SLC11A1: variants seen among roughly 807,000 people sequenced by gnomAD.
The protein encoded by SLC11A1 is solute carrier family 11 member 1.
In SLC11A1, 59 loss-of-function variants were observed where a neutral mutation model predicts 63.2. The ratio of observed to expected loss-of-function variants is 0.93; its 90% confidence interval spans 0.76 to 1.16. SLC11A1 has a LOEUF of 1.16. Ranked by LOEUF, SLC11A1 falls within the 50% of genes most tolerant of loss-of-function variation. SLC11A1 has a pLI of 0.00. For missense variants in SLC11A1, 688 were observed against 730.7 expected (o/e 0.94, Z 0.67); for synonymous variants, 305 against 307.8 (o/e 0.99, Z 0.09).
intron 8 of SLC11A1, among the ~76,000 whole-genome samples, chr2:218,389,046 G>A (rs1051275867): frequency 4.6e-5 from 7 of 152,044 alleles, no homozygotes; most frequent in Non-Finnish European, 8.8e-5. Flanking sequence ...GGAGGTCGAG[G>A]CTGCAGTGAG....
In SLC11A1 at chr2:218,395,068, T is replaced by C; in HGVS notation, c.*33T>C. ...CCAGGGCCTGGCTGGGAGTGGCATG[T>C]ATGACGTGACTGGCCTGCTGGATGT... On this transcript the variant is annotated 3_prime_UTR_variant, in exon 15 of 15. Transcript: ENST00000233202. 1 of 1,508,370 alleles carries C rather than the reference T, an allele frequency of 6.6e-7. No homozygotes were observed. 93.4% of individuals were successfully genotyped at this position (1,508,370 alleles called of 1,614,324 possible). A position where few individuals can be genotyped will look rare whatever the true frequency, so the allele number is the denominator to read the frequency against.
At chr2:218,385,421 C>T (rs1574763350) in intron 4 of SLC11A1, 155 bp downstream of exon 4, 9 of 1,073,184 alleles carry the variant, frequency 8.4e-6, no homozygotes, top group Non-Finnish European at 1.1e-5. Flanking sequence ...GTCGGAGTCT[C>T]GCTCCGTCGC....
chr2:218,390,007 C>A lies in SLC11A1; in HGVS notation c.933C>A (p.Tyr311Ter). 6.2e-7 allele frequency: 1 copy of A among 1,612,534 alleles called. No individual in the cohort carries two copies. The highest frequency in any genetic ancestry group is 8.5e-7 in the Non-Finnish European group (1 of 1,179,148). Residue 311 changes from tyrosine to a stop codon, truncating the protein, a stop_gained, in exon 9 of 15, where the codon TAC becomes TAA. Transcript: ENST00000233202. LOFTEE classifies it high-confidence loss of function. The stretch of plus-strand genomic sequence containing the variant: ...TGGCTGTCTTTGGGCAGGCCTTCTA[C>A]CAGAAAACCAACCAGGCTGCGGTGA... ...FVMAVFGQAF[Y>*]QKTNQAAFNI...
chr2:218,383,390 T>C (rs1695909093), intron 2 of SLC11A1: 1 of 381,828 alleles, frequency 2.6e-6, no homozygotes, highest in Non-Finnish European at 4.8e-6. Context: ...CTTGAGGACA[T>C]GTTATAGCAT....
At chr2:218,391,311 G>GTGGC in intron 10 of SLC11A1, 24 bp downstream of exon 10, 1 of 646,228 alleles carries the variant, frequency 1.5e-6, no homozygotes, top group Non-Finnish European at 2.8e-6. Flanking sequence ...GGTGGGGAGG[G>GTGGC]CGTGACCCAG....
chr2:218,394,320 G>C, intron 13 of SLC11A1, 127 bp downstream of exon 13: 2 of 987,696 alleles, frequency 2.0e-6, no homozygotes, highest in Non-Finnish European at 3.1e-6. Context: ...GAGGTTAAGG[G>C]ACTTACCCAG....
At chr2:218,394,374 G>A (rs1696634117) in intron 13 of SLC11A1, 181 bp downstream of exon 13, 2 of 718,372 alleles carry the variant, frequency 2.8e-6, no homozygotes, top group Non-Finnish European at 4.6e-6. Flanking sequence ...TGGAATCCAG[G>A]GAAGAGGGCT....
intron 7 of SLC11A1, 53 bp from the exon 8 acceptor site, chr2:218,387,747 C>G: frequency 6.2e-7 from 1 of 1,611,820 alleles, no homozygotes; most frequent in African/African-American, 1.3e-5. Flanking sequence ...AAATGGTGAC[C>G]GCGGCGTGGT....
intron 9 of SLC11A1, among the ~76,000 whole-genome samples, chr2:218,390,594 C>T (rs1696371880): frequency 6.6e-6 from 1 of 152,178 alleles, no homozygotes; most frequent in Admixed American, 6.5e-5. Flanking sequence ...GCCAGGCCTC[C>T]AAGGACCTGG....
In SLC11A1 at chr2:218,384,603, T is replaced by A. The variant is rs116206376; in HGVS notation, c.273+238T>A. 1.2e-5 allele frequency: 2 copies of A among 160,924 alleles called. No homozygotes were observed. The highest frequency in any genetic ancestry group is 2.7e-5 in the Non-Finnish European group (2 of 74,684). The allele number at this position is 160,924 out of a possible 1,614,324, so 10.0% of individuals were successfully genotyped here. ...ATATGTATATTTATTTATTTATTTATTTAATTTTATTTTTTGAGACTCAGT... is the reference window on the plus strand; with the variant it reads ...ATATGTATATTTATTTATTTATTTAATTAATTTTATTTTTTGAGACTCAGT... On this transcript the variant is annotated intron_variant, in intron 3 of 14. Coordinates refer to ENST00000233202, the MANE Select transcript of SLC11A1 (RefSeq NM_000578.4). The surrounding 1 kb of genome is among the most constrained non-coding windows in gnomAD (Gnocchi z 4.0).
chr2:218,388,121 G>GTGCTGGGATTA, intron 8 of SLC11A1, 166 bp downstream of exon 8: 2 of 828,966 alleles, frequency 2.4e-6, no homozygotes, highest in Non-Finnish European at 3.7e-6. Flanking sequence ...TGTAATCCCA[G>GTGCTGGGATTA]CACTTTGGGA....
intron 11 of SLC11A1, chr2:218,392,180 C>T (rs1559123484): frequency 3.0e-6 from 1 of 337,480 alleles, no homozygotes; most frequent in Non-Finnish European, 6.1e-6. Flanking sequence ...AAGCAATTCT[C>T]CTGCCTCAGC....
In SLC11A1 at chr2:218,394,202, C is replaced by G. The variant is rs1415603351; in HGVS notation, c.1388+9C>G. The G allele has an allele frequency of 6.2e-7, 1 of 1,613,582 alleles. No homozygotes were observed. Among genetic ancestry groups the G allele is most frequent in the Non-Finnish European group, 8.5e-7 (1 of 1,179,644 alleles). On this transcript the variant is annotated intron_variant, in intron 13 of 14. Coordinates refer to ENST00000233202, the MANE Select transcript of SLC11A1 (RefSeq NM_000578.4). ...GAGTTTGCCAATGGCCTGTGAGTAC[C>G]CCCTTTCCCAAGTGCTGGATTGCAT...
intron 3 of SLC11A1, 132 bp from the exon 4 acceptor site, chr2:218,385,015 G>A (rs960884041): frequency 2.5e-5 from 30 of 1,215,394 alleles, no homozygotes; most frequent in African/African-American, 9.0e-5. Flanking sequence ...AGCTACCAGC[G>A]CCCAGCCAGG....
chr2:218,384,992 G>A lies in SLC11A1; in HGVS notation c.274-155G>A. 1 of 917,570 alleles carries A rather than the reference G, an allele frequency of 1.1e-6. No homozygotes were observed. The highest frequency in any genetic ancestry group is 2.4e-5 in the Admixed American group (1 of 41,370). 56.8% of individuals were successfully genotyped at this position (917,570 alleles called of 1,614,324 possible). ...CCCACCTTAGCCTTTTAAAGTGCTG[G>A]GATTACAGGGTGAGCTACCAGCGCC... is the stretch of plus-strand genomic sequence containing the variant. On this transcript the variant is annotated intron_variant, in intron 3 of 14. Coordinates refer to ENST00000233202, the MANE Select transcript of SLC11A1 (RefSeq NM_000578.4). The surrounding 1 kb of genome is among the most constrained non-coding windows in gnomAD (Gnocchi z 4.0).
chr2:218,385,454 G>C, intron 4 of SLC11A1, 188 bp downstream of exon 4: 3 of 721,374 alleles, frequency 4.2e-6, no homozygotes, highest in Non-Finnish European at 7.1e-6. Context: ...GCAATGGTGC[G>C]ATGTCAGCTC....
chr2:218,387,234 G>A lies in SLC11A1; in HGVS notation c.571+4G>A, dbSNP rs193238228. ...TTCCTCTTCCTCGATAACTACGGTG[G>A]GTGCACACCCCACCTCATAGGGGAG... On this transcript the variant is annotated splice_donor_region_variant and intron_variant, in intron 6 of 14. Coordinates refer to ENST00000233202, the MANE Select transcript of SLC11A1 (RefSeq NM_000578.4). The A allele has an allele frequency of 6.2e-7, 1 of 1,611,972 alleles. No individual in the cohort carries two copies. Among genetic ancestry groups the A allele is most frequent in the East Asian group, 2.2e-5 (1 of 44,862 alleles).
In SLC11A1 at chr2:218,391,362, A is replaced by G. The variant is rs762908916; in HGVS notation, c.1045-14A>G. On this transcript the variant is annotated splice_polypyrimidine_tract_variant and intron_variant, in intron 10 of 14. Transcript: ENST00000233202. ...CGGGCAGGGCCACCGGTCCTACCAC[A>G]CTCGTCCCTGCAGGGCGTGATCCTG... 8 of 1,613,800 alleles carry G rather than the reference A, an allele frequency of 5.0e-6. No homozygotes were observed. The highest frequency in any genetic ancestry group is 2.7e-5 in the African/African-American group (2 of 74,934).
At chr2:218,387,422 G>A (rs1696162762) in intron 6 of SLC11A1, 143 bp from the exon 7 acceptor site, 1 of 977,352 alleles carries the variant, frequency 1.0e-6, no homozygotes, top group Non-Finnish European at 1.6e-6. Flanking sequence ...ACTTCAGAGG[G>A]TGGTTGTGAA....
Sources: gnomAD v4.1 joint callset for allele counts (sites outside exome capture counted in the v4.1 genomes callset) on GRCh38, gnomAD v4.1.1 for gene constraint, Gnocchi (gnomAD v3.1) non-coding constraint, MANE v1.5 for transcripts, NCBI Gene and HGNC (gene_info 2026-07-23, HGNC 2026-07-21) for gene names.